The following POT1 variants were observed in gnomAD, a reference collection of about 807,000 sequenced individuals.
POT1 encodes protection of telomeres 1.
POT1 carries 47 observed loss-of-function variants against 78.5 expected under a neutral mutation model. The ratio of observed to expected loss-of-function variants is 0.60; its 90% confidence interval spans 0.47 to 0.76. The LOEUF is 0.76. Ranked by LOEUF, POT1 falls within the 30% of genes least tolerant of loss-of-function variation. The pLI, the probability that POT1 is intolerant of heterozygous loss-of-function variation, is 0.00. For synonymous variants in POT1, 259 were observed against 260.7 expected, an observed-to-expected ratio of 0.99 and a Z score of 0.06; for missense variants, 646 against 749.9, an observed-to-expected ratio of 0.86 and a Z score of 1.62.
At chr7:124,846,205 T>C (rs565155322) in intron 12 of POT1, among the ~76,000 whole-genome samples, 1 of 144,906 alleles carries the variant, frequency 6.9e-6, no homozygotes, top group Admixed American at 6.8e-5. Context: ...TAAACAAATG[T>C]GTACACGTGT....
In POT1 at chr7:124,841,094, T is replaced by C. The variant is rs1584757270; in HGVS notation, c.1248A>G (p.Thr416=). 1.2e-6 allele frequency: 2 copies of C among 1,612,792 alleles called. No homozygotes were observed. Among genetic ancestry groups the C allele is most frequent in the East Asian group, 2.2e-5 (1 of 44,734 alleles). Residue 416 remains threonine (T), a synonymous_variant, in exon 14 of 19, where the codon ACA becomes ACG. Transcript: ENST00000357628. The part of the protein sequence containing the change: ...TKTPDVKLQN[T]SLYDSKIWTT... ...TCCAGATTTTTGAATCATATAATGA[T>C]GTATTTTGTAGCTTGACATCTGGGG... is the stretch of plus-strand genomic sequence containing the variant.
In POT1 at chr7:124,847,068, G is replaced by A. The variant is rs371684450; in HGVS notation, c.950-70C>T. 339 of 1,016,656 alleles carry A rather than the reference G, an allele frequency of 3.3e-4. 2 individuals carry two copies. In the African/African-American group the frequency reaches 4.2e-3, roughly 13 times the overall value. The allele number at this position is 1,016,656 out of a possible 1,614,324, so 63.0% of individuals were successfully genotyped here. On this transcript the variant is annotated intron_variant, in intron 11 of 18. Transcript: ENST00000357628. ...ATTGTAGAACTGAAAACAATGGAGCGTTGCTGAGAGAAACTGAAGAAAATA... is the reference window on the plus strand; with the variant it reads ...ATTGTAGAACTGAAAACAATGGAGCATTGCTGAGAGAAACTGAAGAAAATA...
At chr7:124,889,450 A>C (rs1246483808) in intron 6 of POT1, among the ~76,000 whole-genome samples, 1 of 152,056 alleles carries the variant, frequency 6.6e-6, no homozygotes, top group Non-Finnish European at 1.5e-5. Context: ...AAGATGGAGC[A>C]AGTTATCCAG....
At chr7:124,883,708 G>A (rs889626951) in intron 6 of POT1, among the ~76,000 whole-genome samples, 1 of 151,798 alleles carries the variant, frequency 6.6e-6, no homozygotes, top group African/African-American at 2.4e-5. Flanking sequence ...CTGTATACGT[G>A]TATGTGTTGT....
chr7:124,897,019 A>G, intron 5 of POT1, 146 bp downstream of exon 5: 1 of 411,634 alleles, frequency 2.4e-6, no homozygotes, highest in Non-Finnish European at 4.4e-6. Flanking sequence ...AGCTATAAAA[A>G]AGTAAAGATT....
intron 17 of POT1, among the ~76,000 whole-genome samples, chr7:124,826,871 AAAACAAACAAAC>A (rs61096064): frequency 1.3e-4 from 19 of 150,468 alleles, no homozygotes; most frequent in Admixed American, 5.3e-4. Context: ...TCCATCTCAA[AAAACAAACAAAC>A]AAACAAACAA....
Position 124,897,295 on chromosome 7 carries a change from CACTT to C in POT1, c.-39-87_-39-84del, listed in dbSNP as rs1035543560. On this transcript the variant is annotated intron_variant, in intron 4 of 18. Coordinates refer to ENST00000357628, the MANE Select transcript of POT1 (RefSeq NM_015450.3). ...TGCTTTTAGTTGTAGTAAAAGTACA[CACTT>C]ACTTGTAAAATATTCAAATTCACTA... is the stretch of plus-strand genomic sequence containing the variant. 5.0e-4 allele frequency: 228 copies of C among 453,942 alleles called. 2 individuals carry two copies. Among genetic ancestry groups the C allele is most frequent in the African/African-American group, 3.9e-3 (196 of 49,678 alleles). 28.1% of individuals were successfully genotyped at this position (453,942 alleles called of 1,614,324 possible). A position where few individuals can be genotyped will look rare whatever the true frequency, so the allele number is the denominator to read the frequency against.
chr7:124,895,662 C>T lies in POT1; in HGVS notation c.9+1503G>A, dbSNP rs376551465. ...CCAATGGAAGAACAAACCATAAAAG[C>T]GGAGAGATGTCTTAGAATTGTCTTA... On this transcript the variant is annotated intron_variant, in intron 5 of 18. Transcript: ENST00000357628. 4.0e-5 allele frequency among the ~76,000 whole-genome samples: 6 copies of T among 151,540 alleles called. No individual in the cohort carries two copies. The East Asian group carries it at 5.8e-4, about 15-fold the overall frequency.
At chr7:124,886,179 A>G (rs1465194069) in intron 6 of POT1, among the ~76,000 whole-genome samples, 1 of 152,234 alleles carries the variant, frequency 6.6e-6, no homozygotes, top group African/African-American at 2.4e-5. Flanking sequence ...AACATTTATA[A>G]GATGAATTTT....
chr7:124,891,016 T>TA (rs1753992182), intron 6 of POT1, among the ~76,000 whole-genome samples: 1 of 151,818 alleles, frequency 6.6e-6, no homozygotes, highest in African/African-American at 2.4e-5. Context: ...ATATGTCTGA[T>TA]ACGTCTGTTA....
chr7:124,836,297 C>T lies in POT1; in HGVS notation c.1370-883G>A, dbSNP rs75965931. Among the ~76,000 whole-genome samples the T allele has an allele frequency of 3.9e-3, 600 of 152,268 alleles. 3 individuals carry two copies. Among genetic ancestry groups the T allele is most frequent in the South Asian group, 6.4e-3 (31 of 4,828 alleles). On this transcript the variant is annotated intron_variant, in intron 14 of 18. Coordinates refer to ENST00000357628, the MANE Select transcript of POT1 (RefSeq NM_015450.3). ...GCTGAATTTTGGCAAGAACGGTGAG[C>T]TCTGTGGCATTTTAACTTGCCCTGT...
chr7:124,891,323 T>G (rs567856057), intron 6 of POT1, among the ~76,000 whole-genome samples: 1 of 151,886 alleles, frequency 6.6e-6, no homozygotes, highest in Non-Finnish European at 1.5e-5. Context: ...GATGTAAGTA[T>G]GGCCACTTCT....
chr7:124,823,914 G>C lies in POT1; in HGVS notation c.*48C>G, dbSNP rs780119583. ...CAGGTCAGGAAAAGAAGCTCAAACA[G>C]GGAAGGTGAGTGGCAACATTTTATG... is the stretch of plus-strand genomic sequence containing the variant. On this transcript the variant is annotated 3_prime_UTR_variant, in exon 19 of 19. Coordinates refer to ENST00000357628, the MANE Select transcript of POT1 (RefSeq NM_015450.3). 1.7e-5 allele frequency: 21 copies of C among 1,215,176 alleles called. No homozygotes were observed. The South Asian group carries it at 2.6e-4, about 15-fold the overall frequency. 75.3% of individuals were successfully genotyped at this position (1,215,176 alleles called of 1,614,324 possible).
intron 3 of POT1, among the ~76,000 whole-genome samples, chr7:124,913,718 TTGA>T (rs1347474320): frequency 7.0e-6 from 1 of 141,986 alleles, no homozygotes; most frequent in African/African-American, 2.6e-5. Flanking sequence ...TTATTATTTG[TTGA>T]AAAGACAAAT....
At chr7:124,896,897 T>G (rs1460210849) in intron 5 of POT1, among the ~76,000 whole-genome samples, 1 of 151,804 alleles carries the variant, frequency 6.6e-6, no homozygotes, top group Non-Finnish European at 1.5e-5. Flanking sequence ...AAACTTATTT[T>G]ATTTTTCTTG....
chr7:124,855,310 T>C (rs1402743079), intron 9 of POT1, among the ~76,000 whole-genome samples: 5 of 149,710 alleles, frequency 3.3e-5, no homozygotes, highest in African/African-American at 1.2e-4. Context: ...TTTAAAAGTG[T>C]CTGAAATAAA....
intron 12 of POT1, among the ~76,000 whole-genome samples, chr7:124,844,261 T>C (rs997256474): frequency 6.6e-6 from 1 of 151,296 alleles, no homozygotes; most frequent in Non-Finnish European, 1.5e-5. Context: ...CCTAAGTAGC[T>C]GGGATTACAG....
At chr7:124,927,702 A>G (rs1797309627) in intron 2 of POT1, among the ~76,000 whole-genome samples, 2 of 152,096 alleles carry the variant, frequency 1.3e-5, no homozygotes, top group African/African-American at 4.8e-5. Context: ...AAACTCCCCA[A>G]TCCACTTGCC....
intron 18 of POT1, 60 bp from the exon 19 acceptor site, chr7:124,824,134 A>G: frequency 9.7e-7 from 1 of 1,032,498 alleles, no homozygotes; most frequent in Non-Finnish European, 1.4e-6. Flanking sequence ...ATAACTCTGA[A>G]ATAGGTACCT....
Sources: allele counts gnomAD v4.1 joint callset (sites outside exome capture counted in the v4.1 genomes callset), GRCh38; gene constraint gnomAD v4.1.1; transcripts MANE v1.5; gene names NCBI Gene and HGNC (gene_info 2026-07-23, HGNC 2026-07-21).